The following FAM228B variants were observed in gnomAD, a reference collection of about 807,000 sequenced individuals.
FAM228B encodes the protein protein FAM228B.
In FAM228B, 38 loss-of-function variants were observed where a neutral mutation model predicts 42.6. That is an observed-to-expected ratio of 0.89 (90% CI 0.69 to 1.17). The LOEUF is 1.17. Ranked by LOEUF, FAM228B falls within the 50% of genes most tolerant of loss-of-function variation. The pLI is 0.00. For synonymous variants in FAM228B, 109 were observed against 122.3 expected (o/e 0.89, Z 0.72); for missense variants, 344 against 367.3 (o/e 0.94, Z 0.52).
intron 7 of FAM228B, among the ~76,000 whole-genome samples, chr2:24,150,800 G>A (rs935986744): frequency 2.0e-5 from 3 of 152,186 alleles, no homozygotes; most frequent in Admixed American, 1.3e-4. Flanking sequence ...GCTGCCAGAT[G>A]TGGTGGAGCT....
At chr2:24,110,831 A>G (rs35039887) in intron 3 of FAM228B, among the ~76,000 whole-genome samples, 18,105 of 152,106 alleles carry the variant, frequency 0.12, 1,260 homozygotes, top group South Asian at 0.18. Flanking sequence ...GGGGACCTGG[A>G]ACTCGTGTTT....
intron 3 of FAM228B, among the ~76,000 whole-genome samples, chr2:24,110,291 G>A (rs1665768340): frequency 6.6e-6 from 1 of 152,118 alleles, no homozygotes; most frequent in Non-Finnish European, 1.5e-5. Flanking sequence ...AGAGTGGAGG[G>A]TGGGAGGAGG....
rs1322122366 is a variant in FAM228B, at chr2:24,158,196, CT to C, written c.687-3293del. Reference sequence around the variant, plus strand: ...ATGCTGGGCTTTCTCTCTGAACCTCCTTTTTTTTTTTTTTTTTCCAAAACAT... The same window carrying C: ...ATGCTGGGCTTTCTCTCTGAACCTCCTTTTTTTTTTTTTTTTCCAAAACAT... On this transcript the variant is annotated intron_variant, in intron 7 of 10. Transcript: ENST00000615575. 5.3e-4 allele frequency among the ~76,000 whole-genome samples: 28 copies of C among 53,206 alleles called. 1 individual carries two copies. The highest frequency in any genetic ancestry group is 2.4e-3 in the African/African-American group (26 of 10,780). The allele number at this position is 53,206 out of a possible 152,430, so 34.9% of individuals were successfully genotyped here. A position where few individuals can be genotyped will look rare whatever the true frequency, so the allele number is the denominator to read the frequency against.
At chr2:24,151,834 C>A (rs1200220548) in intron 7 of FAM228B, among the ~76,000 whole-genome samples, 1 of 151,924 alleles carries the variant, frequency 6.6e-6, no homozygotes, top group Non-Finnish European at 1.5e-5. Context: ...CAGGCATGCA[C>A]CATCACACCT....
upstream of FAM228B, among the ~76,000 whole-genome samples, chr2:24,121,651 C>T (rs919496265): frequency 3.9e-5 from 6 of 152,076 alleles, no homozygotes; most frequent in Admixed American, 6.5e-5. Flanking sequence ...CCAGCGTTTT[C>T]GGTGGGGCCT....
chr2:24,123,648 C>A (rs12988275), intron 1 of FAM228B, 115 bp downstream of exon 1: 17,569 of 151,752 alleles, frequency 0.12, 1,228 homozygotes, highest in South Asian at 0.18. Flanking sequence ...CGGCCGCGGG[C>A]CTGCTGGCCT....
chr2:24,083,295 G>GA (rs1458752874), intron 2 of FAM228B: 2 of 1,067,576 alleles, frequency 1.9e-6, no homozygotes, highest in Non-Finnish European at 2.7e-6. Context: ...GTAAGGAGAA[G>GA]AAAAAGGAGA....
chr2:24,091,163 G>A lies in FAM228B; in HGVS notation c.-209-3978G>A, dbSNP rs185251641. Reference sequence around the variant, plus strand: ...TAGACTTAGAAAACGCAAGAGATGCGCTGGGTGCCATGGCTCACGCCTGTA... The same window carrying A: ...TAGACTTAGAAAACGCAAGAGATGCACTGGGTGCCATGGCTCACGCCTGTA... On this transcript the variant is annotated intron_variant, in intron 2 of 10. Transcript: ENST00000613899. Among the ~76,000 whole-genome samples, 12 of 152,340 alleles carry A rather than the reference G, an allele frequency of 7.9e-5. No homozygotes were observed. The East Asian group carries it at 1.3e-3, about 17-fold the overall frequency.
intron 10 of FAM228B, among the ~76,000 whole-genome samples, chr2:24,168,378 G>A (rs1277371439): frequency 1.3e-5 from 2 of 152,250 alleles, no homozygotes; most frequent in African/African-American, 4.8e-5. Flanking sequence ...AGGAAGCAAA[G>A]CAGAAGTATG....
At chr2:24,111,059 T>C (rs920101433) in intron 3 of FAM228B, among the ~76,000 whole-genome samples, 1 of 152,150 alleles carries the variant, frequency 6.6e-6, no homozygotes, top group Non-Finnish European at 1.5e-5. Context: ...CTGAGCTTCC[T>C]GGCTGATCTT....
chr2:24,167,406 A>G (rs1357505946), intron 9 of FAM228B, among the ~76,000 whole-genome samples: 1 of 151,164 alleles, frequency 6.6e-6, no homozygotes, highest in Non-Finnish European at 1.5e-5. Context: ...TTCCATTGCA[A>G]TCATTATAAT....
chr2:24,120,815 G>A (rs1246309705), upstream of FAM228B, among the ~76,000 whole-genome samples: 1 of 151,976 alleles, frequency 6.6e-6, no homozygotes, highest in Non-Finnish European at 1.5e-5. Flanking sequence ...GGGATTACAG[G>A]TGTGAGCCAC....
Position 24,084,159 on chromosome 2 carries a change from C to G in FAM228B, c.-210+3204C>G, listed in dbSNP as rs759783865. 3.8e-6 allele frequency: 6 copies of G among 1,590,980 alleles called. No individual in the cohort carries two copies. Among genetic ancestry groups the G allele is most frequent in the Non-Finnish European group, 5.1e-6 (6 of 1,170,700 alleles). On this transcript the variant is annotated intron_variant, in intron 2 of 10. Coordinates refer to the FAM228B transcript ENST00000613899. This position sits in a 1 kb window ranked among gnomAD's most constrained non-coding sequence, Gnocchi z 8.4. ...TTGAGAGGGAGGCTCTGGAGTCCCG[C>G]CCGCCCCGGCGCGGCTGAGCCCTGG...
chr2:24,107,297 T>G (rs1665718007), intron 3 of FAM228B, among the ~76,000 whole-genome samples: 1 of 152,136 alleles, frequency 6.6e-6, no homozygotes. Flanking sequence ...TAGAGACCTA[T>G]GAAGAGATTT....
Position 24,164,243 on chromosome 2 carries a change from G to A in FAM228B, c.840G>A (p.Gln280=), listed in dbSNP as rs1037907626. The change falls in exon 9 of 11, where the codon CAG becomes CAA. Residue 280 remains glutamine, a synonymous_variant. Coordinates refer to ENST00000615575, the MANE Select transcript of FAM228B (RefSeq NM_001145710.2). The part of the protein sequence containing the change: ...SFLEREPLCY[Q]EGNNPSAKEA... ...TAGAAAGAGAACCGCTGTGCTATCA[G>A]GAGGGAAATAATCCAAGTGCCAAAG... 1.9e-6 allele frequency: 3 copies of A among 1,551,334 alleles called. No homozygotes were observed. The highest frequency in any genetic ancestry group is 3.9e-5 in the Admixed American group (2 of 51,008).
At chr2:24,114,315 T>C (rs1030383834) in intron 3 of FAM228B, among the ~76,000 whole-genome samples, 1 of 152,098 alleles carries the variant, frequency 6.6e-6, no homozygotes, top group Non-Finnish European at 1.5e-5. Flanking sequence ...ATGTGTTCCC[T>C]CTCCAGGTGC....
intron 2 of FAM228B, among the ~76,000 whole-genome samples, chr2:24,093,185 C>G (rs977026394): frequency 6.6e-6 from 1 of 151,924 alleles, no homozygotes; most frequent in Non-Finnish European, 1.5e-5. Flanking sequence ...GTTGAAGGTG[C>G]AGGTTTGTTA....
At chr2:24,145,148 A>G (rs1666863974) in intron 5 of FAM228B, among the ~76,000 whole-genome samples, 1 of 152,122 alleles carries the variant, frequency 6.6e-6, no homozygotes, top group Admixed American at 6.5e-5. Context: ...CATGCACCCA[A>G]GCAAGCCACC....
intron 5 of FAM228B, among the ~76,000 whole-genome samples, chr2:24,143,949 G>T (rs112524239): frequency 0.087 from 12,944 of 148,416 alleles, 626 homozygotes; most frequent in South Asian, 0.13. Context: ...GGAGGCGGAG[G>T]TTGCAGTAAG....
Sources: gnomAD v4.1 joint callset for allele counts (sites outside exome capture counted in the v4.1 genomes callset) on GRCh38, gnomAD v4.1.1 for gene constraint, Gnocchi (gnomAD v3.1) non-coding constraint, MANE v1.5 for transcripts, NCBI Gene and HGNC (gene_info 2026-07-23, HGNC 2026-07-21) for gene names.